Variants in AP3B1 observed in about 807,000 individuals in gnomAD.
AP3B1 encodes AP-3 complex subunit beta-1.
In AP3B1, 61 loss-of-function variants were observed where a neutral mutation model predicts 132.5. The observed-to-expected ratio is 0.46, with a 90% confidence interval of 0.37 to 0.57. The LOEUF (loss-of-function observed/expected upper bound fraction) is 0.57. Ranked by LOEUF, AP3B1 falls within the 20% of genes least tolerant of loss-of-function variation. The pLI is 0.00. For missense variants in AP3B1, 1,120 were observed against 1,289.4 expected, an observed-to-expected ratio of 0.87 and a Z score of 2.01; for synonymous variants, 388 against 438.3, an observed-to-expected ratio of 0.89 and a Z score of 1.43.
intron 7 of AP3B1, among the ~76,000 whole-genome samples, chr5:78,209,234 C>T (rs1456995238): frequency 6.6e-6 from 1 of 152,072 alleles, no homozygotes; most frequent in Admixed American, 6.6e-5. Context: ...TCAGACATGC[C>T]TCATTACACC....
chr5:78,239,520 T>C (rs1289168815), intron 3 of AP3B1, among the ~76,000 whole-genome samples: 1 of 142,362 alleles, frequency 7.0e-6, no homozygotes, highest in Non-Finnish European at 1.5e-5. Flanking sequence ...ACGCCTGTAA[T>C]CCTAGCACTT....
intron 22 of AP3B1, among the ~76,000 whole-genome samples, chr5:78,041,423 G>A (rs1234091754): frequency 6.6e-6 from 1 of 151,862 alleles, no homozygotes; most frequent in Non-Finnish European, 1.5e-5. Context: ...GCTGGGTGTG[G>A]TGCATTGCGC....
chr5:78,167,452 T>C lies in AP3B1; in HGVS notation c.1168-1780A>G, dbSNP rs544426113. ...TGGAGATTCCTTAAAAAAGTAAAAGTAGAACTACTGTTTGATCCAGCAATC... is the reference window on the plus strand; with the variant it reads ...TGGAGATTCCTTAAAAAAGTAAAAGCAGAACTACTGTTTGATCCAGCAATC... On this transcript the variant is annotated intron_variant, in intron 11 of 26. Transcript: ENST00000255194. Among the ~76,000 whole-genome samples the C allele has an allele frequency of 1.2e-4, 18 of 152,130 alleles. No individual in the cohort carries two copies. In the South Asian group the frequency reaches 3.5e-3, roughly 30 times the overall value.
chr5:78,245,585 G>T (rs934441366), intron 2 of AP3B1, among the ~76,000 whole-genome samples: 1 of 152,166 alleles, frequency 6.6e-6, no homozygotes, highest in African/African-American at 2.4e-5. Context: ...ATGAAGAAAG[G>T]AAGAAACCAG....
rs55641899 is a variant in AP3B1, at chr5:78,152,302, G to A, written c.1473+3956C>T. Among the ~76,000 whole-genome samples, 394 of 151,760 alleles carry A rather than the reference G, an allele frequency of 2.6e-3. 2 individuals are homozygous for A. The highest frequency in any genetic ancestry group is 9.0e-3 in the African/African-American group (371 of 41,392). ...GGTAGAATTCAGCAGTGAAGCCATC[G>A]GATCCTGGGCTTTTCTTCACTGGGA... is the stretch of plus-strand genomic sequence containing the variant. On this transcript the variant is annotated intron_variant, in intron 14 of 26. Transcript: ENST00000255194.
At chr5:78,016,050 G>T (rs945073329) in intron 25 of AP3B1, among the ~76,000 whole-genome samples, 1 of 152,022 alleles carries the variant, frequency 6.6e-6, no homozygotes, top group African/African-American at 2.4e-5. Context: ...ACAGATCGAA[G>T]TTATCTCAAC....
chr5:78,245,140 G>C (rs1190951159), intron 2 of AP3B1, among the ~76,000 whole-genome samples: 2 of 152,116 alleles, frequency 1.3e-5, no homozygotes, highest in Non-Finnish European at 2.9e-5. Context: ...TTGTACTTTT[G>C]GAGGCTGCAA....
At chr5:78,252,459 C>A (rs1334859781) in intron 2 of AP3B1, among the ~76,000 whole-genome samples, 1 of 152,190 alleles carries the variant, frequency 6.6e-6, no homozygotes, top group East Asian at 1.9e-4. Context: ...GCCCACTGTC[C>A]TGAAGGGTGA....
chr5:78,225,638 T>G, intron 5 of AP3B1, 30 bp from the exon 6 acceptor site: 1 of 1,415,774 alleles, frequency 7.1e-7, no homozygotes, highest in Non-Finnish European at 9.9e-7. Context: ...CATATTAATT[T>G]TTCCCTTTAA....
At position 78,192,322 on chromosome 5, in the gene AP3B1, T is replaced by C. The variant is rs1744875907; in HGVS notation, c.787-10660A>G. 2.0e-5 allele frequency among the ~76,000 whole-genome samples: 3 copies of C among 152,118 alleles called. No homozygotes were observed. The South Asian group carries it at 6.2e-4, about 31-fold the overall frequency. On this transcript the variant is annotated intron_variant, in intron 7 of 26. Transcript: ENST00000255194. Reference sequence around the variant, plus strand: ...TAAGTGAACTATATTATGAACTGAATGATTCTGCCCTCCCACAAATTCATA... The same window carrying C: ...TAAGTGAACTATATTATGAACTGAACGATTCTGCCCTCCCACAAATTCATA...
At position 78,003,012 on chromosome 5, in the gene AP3B1, T is replaced by A. The variant is rs755468074; in HGVS notation, c.3175A>T (p.Thr1059Ser). ...GTAGAGCCTTCCTTCAGTTCCACTG[T>A]GACTAGCATCAATGACCCACTGTGC... is the stretch of plus-strand genomic sequence containing the variant. Reference protein sequence around the residue: ...TVHSGSLMLVTVELKEGSTAQ... With the variant: ...TVHSGSLMLVSVELKEGSTAQ... Residue 1059 changes from threonine to serine, a missense_variant, in exon 27 of 27, where the codon ACA (threonine) becomes TCA (serine). This residue lies in a region of AP3B1 where 906 missense variants were observed against 997.1 expected (regional missense o/e 0.91). Transcript: ENST00000255194. 1.2e-6 allele frequency: 2 copies of A among 1,614,194 alleles called. No individual in the cohort carries two copies. The highest frequency in any genetic ancestry group is 2.2e-5 in the South Asian group (2 of 91,080).
At chr5:78,202,983 A>G (rs1358780012) in intron 7 of AP3B1, among the ~76,000 whole-genome samples, 1 of 152,226 alleles carries the variant, frequency 6.6e-6, no homozygotes, top group African/African-American at 2.4e-5. Context: ...TTTTTGAAGG[A>G]AAGTTTTGCC....
intron 12 of AP3B1, among the ~76,000 whole-genome samples, chr5:78,164,139 T>C (rs1421976628): frequency 6.6e-6 from 1 of 152,058 alleles, no homozygotes; most frequent in Non-Finnish European, 1.5e-5. Context: ...CCAAATAAAT[T>C]ATTTAATTTC....
At chr5:78,200,315 C>T (rs1745240471) in intron 7 of AP3B1, among the ~76,000 whole-genome samples, 2 of 151,962 alleles carry the variant, frequency 1.3e-5, no homozygotes, top group Admixed American at 1.3e-4. Context: ...TTTTTCTAAC[C>T]CTTCAATTAT....
rs1752599067 is a variant in AP3B1 at position 78,129,383 on chromosome 5, AG to A, written c.1651-77del. 6 of 1,237,122 alleles carry A rather than the reference AG, an allele frequency of 4.8e-6. 1 individual carries two copies. The East Asian group carries it at 1.4e-4, about 29-fold the overall frequency. The allele number at this position is 1,237,122 out of a possible 1,614,324, so 76.6% of individuals were successfully genotyped here. On this transcript the variant is annotated intron_variant, in intron 15 of 26. Coordinates refer to ENST00000255194, the MANE Select transcript of AP3B1 (RefSeq NM_003664.5). ...GATAACTCTGGATAAACATATTTAAAGAGGTAATAAAAATGAATGGTTATGT... is the reference window on the plus strand; with the variant it reads ...GATAACTCTGGATAAACATATTTAAAAGGTAATAAAAATGAATGGTTATGT...
chr5:78,267,613 A>G lies in AP3B1; in HGVS notation c.129-18T>C, dbSNP rs771920088. ...CTTCATTCCTATTACAAAAGAGAAGAAAAAAAATCCATACTTTGATTTTTA... is the reference window on the plus strand; with the variant it reads ...CTTCATTCCTATTACAAAAGAGAAGGAAAAAAATCCATACTTTGATTTTTA... On this transcript the variant is annotated intron_variant, in intron 1 of 26. Coordinates refer to ENST00000255194, the MANE Select transcript of AP3B1 (RefSeq NM_003664.5). The G allele has an allele frequency of 2.7e-6, 4 of 1,482,628 alleles. No homozygotes were observed. Among genetic ancestry groups the G allele is most frequent in the South Asian group, 1.2e-5 (1 of 86,832 alleles). 91.8% of individuals were successfully genotyped at this position (1,482,628 alleles called of 1,614,324 possible).
At chr5:78,262,966 A>G (rs1748161293) in intron 2 of AP3B1, among the ~76,000 whole-genome samples, 1 of 152,106 alleles carries the variant, frequency 6.6e-6, no homozygotes, top group African/African-American at 2.4e-5. Context: ...CACTGTGCCC[A>G]GCCAATTTTG....
chr5:78,196,492 C>T lies in AP3B1; in HGVS notation c.787-14830G>A, dbSNP rs79632793. Among the ~76,000 whole-genome samples the T allele has an allele frequency of 5.6e-4, 86 of 152,222 alleles. 1 individual carries two copies. The East Asian group carries it at 0.015, about 27-fold the overall frequency. On this transcript the variant is annotated intron_variant, in intron 7 of 26. Coordinates refer to ENST00000255194, the MANE Select transcript of AP3B1 (RefSeq NM_003664.5). ...TCTTACCAAAGTAAACATACTCTTA[C>T]CAAACAATCCAGCAATCACACTCCT...
At chr5:78,197,508 T>A (rs1429206808) in intron 7 of AP3B1, among the ~76,000 whole-genome samples, 1 of 152,182 alleles carries the variant, frequency 6.6e-6, no homozygotes, top group African/African-American at 2.4e-5. Flanking sequence ...TAGTACTTTC[T>A]ACATATTTTG....
Sources: gnomAD v4.1 joint callset for allele counts (sites outside exome capture counted in the v4.1 genomes callset) on GRCh38, gnomAD v4.1.1 for gene constraint, gnomAD v4.1.1 regional missense constraint, MANE v1.5 for transcripts, NCBI Gene and HGNC (gene_info 2026-07-23, HGNC 2026-07-21) for gene names.